The following NTNG1 variants were observed in gnomAD, a reference collection of about 807,000 sequenced individuals.
NTNG1 encodes netrin-G1.
In NTNG1, 16 loss-of-function variants were observed where a neutral mutation model predicts 54.0. The ratio of observed to expected loss-of-function variants is 0.30; its 90% CI spans 0.20 to 0.45. The LOEUF is 0.45. Among genes scored for constraint, NTNG1 ranks in the 20% least tolerant of loss-of-function variants. The probability of loss-of-function intolerance (pLI) is 1.00; values close to 1 mark genes in which losing one functional copy is unlikely to be tolerated. For missense variants in NTNG1, 530 were observed against 678.7 expected (o/e 0.78, Z 2.43); for synonymous variants, 255 against 263.1 (o/e 0.97, Z 0.30).
intron 2 of NTNG1, among the ~76,000 whole-genome samples, chr1:107,319,870 T>C (rs999962248): frequency 6.6e-6 from 1 of 150,680 alleles, no homozygotes; most frequent in Non-Finnish European, 1.5e-5. Context: ...GAGGTTTATA[T>C]ATATATATAT....
intron 3 of NTNG1, among the ~76,000 whole-genome samples, chr1:107,368,185 G>T (rs1212739952): frequency 1.3e-5 from 2 of 151,922 alleles, no homozygotes; most frequent in Non-Finnish European, 2.9e-5. Flanking sequence ...ATTACCTCTG[G>T]TTCCAATGTC....
At chr1:107,389,864 C>T (rs548529649) in intron 3 of NTNG1, among the ~76,000 whole-genome samples, 9 of 152,162 alleles carry the variant, frequency 5.9e-5, no homozygotes, top group South Asian at 2.1e-4. Context: ...CTGCCTAAAG[C>T]GACAGGATAA....
intron 3 of NTNG1, among the ~76,000 whole-genome samples, chr1:107,347,984 G>A (rs1669356205): frequency 6.6e-6 from 1 of 152,110 alleles, no homozygotes; most frequent in Admixed American, 6.5e-5. Flanking sequence ...AATTTGAGGT[G>A]AGATTTGGGT....
Position 107,481,520 on chromosome 1 carries a change from AGT to A in NTNG1, c.*683_*684del, listed in dbSNP as rs1678714527. 6.5e-6 allele frequency: 1 copy of A among 152,760 alleles called. No individual in the cohort carries two copies. The highest frequency in any genetic ancestry group is 2.1e-4 in the South Asian group (1 of 4,824). The allele number at this position is 152,760 out of a possible 1,614,324, so 9.5% of individuals were successfully genotyped here. A position where few individuals can be genotyped will look rare whatever the true frequency, so the allele number is the denominator to read the frequency against. On this transcript the variant is annotated 3_prime_UTR_variant, in exon 8 of 8. Transcript: ENST00000370068. ...CAAGAGTGGCTATAGGAAAAAAGAA[AGT>A]GTATCTATCCTTTTGTATTCAAATG...
intron 3 of NTNG1, among the ~76,000 whole-genome samples, chr1:107,380,576 A>T (rs1671581436): frequency 6.6e-6 from 1 of 152,254 alleles, no homozygotes; most frequent in African/African-American, 2.4e-5. Flanking sequence ...GGCATGTTTA[A>T]ACATGAAGTA....
At chr1:107,192,959 G>T (rs199796570) in intron 2 of NTNG1, among the ~76,000 whole-genome samples, 3 of 151,956 alleles carry the variant, frequency 2.0e-5, no homozygotes, top group Non-Finnish European at 4.4e-5. Flanking sequence ...AATTCCATGT[G>T]TATCATAAAC....
chr1:107,334,513 G>A (rs941440685), intron 3 of NTNG1, among the ~76,000 whole-genome samples: 4 of 151,850 alleles, frequency 2.6e-5, no homozygotes, highest in Non-Finnish European at 5.9e-5. Context: ...GATTTGGCAG[G>A]TTGGAAGGAG....
intron 2 of NTNG1, among the ~76,000 whole-genome samples, chr1:107,174,954 G>A (rs1263723891): frequency 6.6e-6 from 1 of 151,980 alleles, no homozygotes; most frequent in African/African-American, 2.4e-5. Context: ...ACTTACCATG[G>A]TTTTCGTAAT....
At chr1:107,325,265 AAT>A (rs1371661025) in intron 3 of NTNG1, among the ~76,000 whole-genome samples, 1 of 152,130 alleles carries the variant, frequency 6.6e-6, no homozygotes, top group Non-Finnish European at 1.5e-5. Flanking sequence ...AAAAACTAGA[AAT>A]ACAACATACC....
intron 2 of NTNG1, among the ~76,000 whole-genome samples, chr1:107,226,988 T>A (rs1056104707): frequency 3.3e-5 from 5 of 152,128 alleles, no homozygotes; most frequent in African/African-American, 1.2e-4. Context: ...CATCTACTTC[T>A]GTATGCTTCA....
intron 2 of NTNG1, 81 bp from the exon 3 acceptor site, chr1:107,324,201 C>T (rs1667814391): frequency 7.6e-7 from 1 of 1,319,322 alleles, no homozygotes; most frequent in Non-Finnish European, 1.1e-6. Context: ...CTTTTCTAGC[C>T]TCTTACTGAG....
At chr1:107,173,870 A>T (rs948689959) in intron 2 of NTNG1, among the ~76,000 whole-genome samples, 2 of 151,944 alleles carry the variant, frequency 1.3e-5, no homozygotes, top group African/African-American at 4.8e-5. Flanking sequence ...TTCCTTTTCC[A>T]TATGGAATCC....
At chr1:107,292,854 C>T (rs1443422133) in intron 2 of NTNG1, among the ~76,000 whole-genome samples, 1 of 152,134 alleles carries the variant, frequency 6.6e-6, no homozygotes, top group African/African-American at 2.4e-5. Flanking sequence ...AAACTGTGCA[C>T]TTGTCTTTCA....
chr1:107,421,107 A>G (rs1215975667), intron 5 of NTNG1: 2 of 1,610,194 alleles, frequency 1.2e-6, no homozygotes, highest in Non-Finnish European at 1.7e-6. Context: ...AGCTTTGTCA[A>G]CAGTTTCTTC....
At chr1:107,404,590 A>G (rs1673281103) in intron 4 of NTNG1, among the ~76,000 whole-genome samples, 1 of 152,176 alleles carries the variant, frequency 6.6e-6, no homozygotes, top group African/African-American at 2.4e-5. Context: ...GATCCAATAT[A>G]CATTGAGCAA....
intron 7 of NTNG1, among the ~76,000 whole-genome samples, chr1:107,473,014 C>T (rs1678081813): frequency 6.6e-6 from 1 of 152,090 alleles, no homozygotes; most frequent in African/African-American, 2.4e-5. Context: ...TTGTTATTAG[C>T]CTGTTTGGTG....
At chr1:107,175,428 A>AT (rs1338372666) in intron 2 of NTNG1, among the ~76,000 whole-genome samples, 2 of 152,150 alleles carry the variant, frequency 1.3e-5, no homozygotes, top group Non-Finnish European at 1.5e-5. Context: ...CCATCAGGAT[A>AT]TTACTAGATT....
At chr1:107,221,785 C>T (rs1251398921) in intron 2 of NTNG1, among the ~76,000 whole-genome samples, 2 of 152,022 alleles carry the variant, frequency 1.3e-5, no homozygotes, top group African/African-American at 2.4e-5. Context: ...ACATTTTTGA[C>T]CAAAGGAGTA....
intron 2 of NTNG1, chr1:107,261,113 T>A (rs1362991514): frequency 6.6e-6 from 1 of 152,226 alleles, no homozygotes; most frequent in African/African-American, 2.4e-5. Flanking sequence ...CATTCATTTT[T>A]AAAAATTATT....
Sources: gnomAD v4.1 joint callset for allele counts (sites outside exome capture counted in the v4.1 genomes callset) on GRCh38, gnomAD v4.1.1 for gene constraint, MANE v1.5 for transcripts, NCBI Gene and HGNC (gene_info 2026-07-23, HGNC 2026-07-21) for gene names.